The following CPNE8 variants were observed in gnomAD, a reference collection of about 807,000 sequenced individuals.
The protein encoded by CPNE8 is copine-8.
Under a neutral mutation model 81.5 loss-of-function variants are expected in CPNE8, and 45 were observed. The observed-to-expected ratio is 0.55, with a 90% confidence interval of 0.44 to 0.71. The LOEUF is 0.71. Among genes scored for constraint, CPNE8 ranks in the 30% least tolerant of loss-of-function variants. The pLI is 0.00. For synonymous variants in CPNE8, 252 were observed against 226.3 expected (o/e 1.11, Z -1.02); for missense variants, 594 against 672.1 (o/e 0.88, Z 1.28).
At chr12:38,681,805 T>C (rs1308837002) in intron 16 of CPNE8, among the ~76,000 whole-genome samples, 1 of 152,246 alleles carries the variant, frequency 6.6e-6, no homozygotes, top group Non-Finnish European at 1.5e-5. Context: ...ATATTTTATC[T>C]ATGTCCATGT....
At chr12:38,708,299 C>T (rs1053564909) in intron 13 of CPNE8, among the ~76,000 whole-genome samples, 3 of 151,654 alleles carry the variant, frequency 2.0e-5, no homozygotes, top group Non-Finnish European at 4.4e-5. Context: ...CAATCAGTAA[C>T]GTCATTACCC....
intron 1 of CPNE8, among the ~76,000 whole-genome samples, chr12:38,888,521 A>G (rs1209915329): frequency 1.1e-4 from 17 of 152,354 alleles, no homozygotes; most frequent in Non-Finnish European, 5.9e-5. Flanking sequence ...TGCAGACTCA[A>G]TAACAGAATT....
chr12:38,762,910 G>A (rs1941600220), intron 8 of CPNE8, among the ~76,000 whole-genome samples: 1 of 152,196 alleles, frequency 6.6e-6, no homozygotes, highest in South Asian at 2.1e-4. Flanking sequence ...CCAGGCTGGA[G>A]TGCAGCGGCG....
At chr12:38,873,900 G>A (rs749267965) in intron 2 of CPNE8, among the ~76,000 whole-genome samples, 3 of 151,832 alleles carry the variant, frequency 2.0e-5, no homozygotes, top group Non-Finnish European at 2.9e-5. Context: ...CATATCAGAT[G>A]TTACATATTT....
chr12:38,867,335 T>A (rs983362317), intron 3 of CPNE8, among the ~76,000 whole-genome samples: 30 of 143,090 alleles, frequency 2.1e-4, no homozygotes, highest in African/African-American at 6.4e-4. Flanking sequence ...TGTGTGTGTG[T>A]GTGTGAGAGA....
chr12:38,779,652 C>A (rs1006746517), intron 6 of CPNE8, among the ~76,000 whole-genome samples: 24 of 151,994 alleles, frequency 1.6e-4, no homozygotes, highest in African/African-American at 4.3e-4. Flanking sequence ...CAAATCCTCT[C>A]CAGAAAAGTT....
rs376627305 is a variant in CPNE8 at position 38,745,140 on chromosome 12, G to A, written c.723-14782C>T. On this transcript the variant is annotated intron_variant, in intron 10 of 19. Coordinates refer to ENST00000331366, the MANE Select transcript of CPNE8 (RefSeq NM_153634.3). ...ATATAATCTTGATCTACCTTTCTAT[G>A]TCTGCATTTCTCATGAATTCCCTCT... Among the ~76,000 whole-genome samples the A allele has an allele frequency of 1.2e-4, 18 of 152,264 alleles. 1 individual carries two copies. The South Asian group carries it at 1.5e-3, about 12-fold the overall frequency.
At chr12:38,893,681 T>C (rs1944344812) in intron 1 of CPNE8, among the ~76,000 whole-genome samples, 1 of 152,212 alleles carries the variant, frequency 6.6e-6, no homozygotes, top group South Asian at 2.1e-4. Flanking sequence ...AAGAACCCTC[T>C]CTTGGTGTCT....
chr12:38,896,186 G>A (rs180841703), intron 1 of CPNE8, among the ~76,000 whole-genome samples: 1 of 152,118 alleles, frequency 6.6e-6, no homozygotes, highest in Non-Finnish European at 1.5e-5. Flanking sequence ...AGAAATATTT[G>A]CTGGGGACTA....
chr12:38,682,374 A>G (rs1939429539), intron 16 of CPNE8, among the ~76,000 whole-genome samples: 1 of 152,142 alleles, frequency 6.6e-6, no homozygotes, highest in Admixed American at 6.5e-5. Context: ...ACTGGCCAAC[A>G]TGGCAAAATC....
chr12:38,656,617 G>A (rs1423156146), intron 19 of CPNE8, among the ~76,000 whole-genome samples: 1 of 152,116 alleles, frequency 6.6e-6, no homozygotes, highest in East Asian at 1.9e-4. Context: ...GCATGATCTT[G>A]AGCAGGTTAT....
chr12:38,752,196 C>G (rs996794915), intron 10 of CPNE8, among the ~76,000 whole-genome samples: 2 of 152,116 alleles, frequency 1.3e-5, no homozygotes, highest in East Asian at 3.9e-4. Context: ...CTAACAGATG[C>G]AAGAGTTGGC....
chr12:38,660,790 A>T (rs565352445), intron 19 of CPNE8, among the ~76,000 whole-genome samples: 3 of 152,350 alleles, frequency 2.0e-5, no homozygotes, highest in Admixed American at 2.0e-4. Flanking sequence ...CCCATCTAAA[A>T]GTGGGCAAAG....
intron 18 of CPNE8, among the ~76,000 whole-genome samples, chr12:38,672,453 G>T (rs562763289): frequency 6.6e-6 from 1 of 152,234 alleles, no homozygotes; most frequent in African/African-American, 2.4e-5. Context: ...CTACTCTTCA[G>T]GTGTGCAGAC....
rs1361604897 is a variant in CPNE8 at position 38,773,783 on chromosome 12, C to T, written c.471+2455G>A. Among the ~76,000 whole-genome samples, 12 of 152,138 alleles carry T rather than the reference C, an allele frequency of 7.9e-5. No homozygotes were observed. In the South Asian group the frequency reaches 2.3e-3, roughly 29 times the overall value. On this transcript the variant is annotated intron_variant, in intron 7 of 19. Coordinates refer to ENST00000331366, the MANE Select transcript of CPNE8 (RefSeq NM_153634.3). ...AAAAGCATTGATTCTTCTGAAGTAA[C>T]TATGAACATTTCTTTGAGTACACTT...
chr12:38,731,473 G>A (rs1940829735), intron 10 of CPNE8, among the ~76,000 whole-genome samples: 1 of 151,762 alleles, frequency 6.6e-6, no homozygotes, highest in Admixed American at 6.6e-5. Flanking sequence ...TTTTAGTAGA[G>A]TTTTTGCAAT....
At chr12:38,706,804 T>C (rs1325902315) in intron 13 of CPNE8, among the ~76,000 whole-genome samples, 2 of 152,180 alleles carry the variant, frequency 1.3e-5, no homozygotes, top group Non-Finnish European at 2.9e-5. Flanking sequence ...ACTGGGCAAA[T>C]GGATACGTTT....
intron 6 of CPNE8, among the ~76,000 whole-genome samples, chr12:38,806,349 C>A (rs1253796518): frequency 1.3e-5 from 2 of 149,496 alleles, no homozygotes; most frequent in Non-Finnish European, 3.0e-5. Flanking sequence ...TGCAAAAATC[C>A]TCAATAAAAT....
intron 6 of CPNE8, among the ~76,000 whole-genome samples, chr12:38,795,859 G>A (rs201124246): frequency 3.2e-3 from 130 of 40,902 alleles, no homozygotes; most frequent in Non-Finnish European, 3.0e-3. Context: ...GATGATAGAT[G>A]GATGGATGGA....
Sources: allele counts gnomAD v4.1 joint callset (sites outside exome capture counted in the v4.1 genomes callset), GRCh38; gene constraint gnomAD v4.1.1; transcripts MANE v1.5; gene names NCBI Gene and HGNC (gene_info 2026-07-23, HGNC 2026-07-21).